The following ADAMTS17 variants were observed in gnomAD, a reference collection of about 807,000 sequenced individuals.
ADAMTS17 encodes ADAM metallopeptidase with thrombospondin type 1 motif 17.
Under a neutral mutation model 141.5 loss-of-function variants are expected in ADAMTS17, and 113 were observed. The ratio of observed to expected loss-of-function variants is 0.80; its 90% CI spans 0.69 to 0.93. The LOEUF (loss-of-function observed/expected upper bound fraction) is 0.93. Among genes scored for constraint, ADAMTS17 ranks in the 40% least tolerant of loss-of-function variants. ADAMTS17 has a pLI of 0.00. For synonymous variants in ADAMTS17, 768 were observed against 630.6 expected (o/e 1.22, Z -3.27); for missense variants, 1,659 against 1,517.9 (o/e 1.09, Z -1.54).
intron 15 of ADAMTS17, among the ~76,000 whole-genome samples, chr15:100,082,074 T>C (rs183444003): frequency 2.8e-4 from 43 of 152,216 alleles, no homozygotes; most frequent in Admixed American, 4.6e-4. Context: ...ATTTTTTTGT[T>C]TTCTTTGAGA....
intron 7 of ADAMTS17, among the ~76,000 whole-genome samples, chr15:100,200,339 T>C (rs1402242107): frequency 1.3e-5 from 2 of 152,046 alleles, no homozygotes; most frequent in African/African-American, 4.8e-5. Flanking sequence ...CATGGAGCCC[T>C]TGGGTGCCGG....
At chr15:100,144,421 G>C (rs1443122880) in intron 10 of ADAMTS17, among the ~76,000 whole-genome samples, 2 of 152,064 alleles carry the variant, frequency 1.3e-5, no homozygotes, top group African/African-American at 4.8e-5. Flanking sequence ...GTGGTGGAAG[G>C]CACCTGTAAT....
intron 7 of ADAMTS17, among the ~76,000 whole-genome samples, chr15:100,213,010 A>G (rs2041858631): frequency 6.6e-6 from 1 of 152,084 alleles, no homozygotes; most frequent in Admixed American, 6.5e-5. Flanking sequence ...AAGAAGAAAA[A>G]CAGCTGAGGG....
At chr15:100,116,504 C>T (rs1285227772) in intron 13 of ADAMTS17, among the ~76,000 whole-genome samples, 3 of 152,246 alleles carry the variant, frequency 2.0e-5, no homozygotes, top group Non-Finnish European at 4.4e-5. Context: ...CACTGGGATG[C>T]CCCTGTAAAG....
At chr15:100,235,884 T>C (rs2042638361) in intron 7 of ADAMTS17, among the ~76,000 whole-genome samples, 1 of 152,174 alleles carries the variant, frequency 6.6e-6, no homozygotes, top group South Asian at 2.1e-4. Flanking sequence ...TTGCCCAGGC[T>C]GTACTCAAGG....
intron 8 of ADAMTS17, among the ~76,000 whole-genome samples, chr15:100,164,714 C>T (rs933533699): frequency 6.6e-6 from 1 of 152,152 alleles, no homozygotes; most frequent in African/African-American, 2.4e-5. Flanking sequence ...AAAGTTCCCA[C>T]CCCACTTCAA....
rs547519837 is a variant in ADAMTS17, at chr15:100,221,747, C to T, written c.1076-22324G>A. ...AAGAGTGCCTCTGGGACAGGTTTGCCGGGTGGTCTGAGAGCTGGTGTGAAA... is the reference window on the plus strand; with the variant it reads ...AAGAGTGCCTCTGGGACAGGTTTGCTGGGTGGTCTGAGAGCTGGTGTGAAA... On this transcript the variant is annotated intron_variant, in intron 7 of 21. Transcript: ENST00000268070. Among the ~76,000 whole-genome samples, 7 of 152,278 alleles carry T rather than the reference C, an allele frequency of 4.6e-5. No individual in the cohort carries two copies. In the East Asian group the frequency reaches 5.8e-4, roughly 13 times the overall value.
chr15:100,281,520 G>T (rs2044283391), intron 3 of ADAMTS17, 119 bp from the exon 4 acceptor site: 2 of 1,325,680 alleles, frequency 1.5e-6, no homozygotes, highest in South Asian at 2.5e-5. Flanking sequence ...AGGCCTAGAG[G>T]GGCCCAGCAC....
At chr15:100,094,535 T>C (rs1409555623) in intron 15 of ADAMTS17, among the ~76,000 whole-genome samples, 4 of 152,218 alleles carry the variant, frequency 2.6e-5, no homozygotes, top group Admixed American at 1.3e-4. Flanking sequence ...AGTGAGATCC[T>C]ATGTTAGTTA....
At chr15:100,032,663 T>C (rs2030294330) in intron 18 of ADAMTS17, among the ~76,000 whole-genome samples, 1 of 152,230 alleles carries the variant, frequency 6.6e-6, no homozygotes, top group Admixed American at 6.5e-5. Context: ...TTTAATGCCA[T>C]GGCAGAAGCA....
chr15:100,114,146 GAATT>G (rs2036963555), intron 13 of ADAMTS17, among the ~76,000 whole-genome samples: 1 of 145,558 alleles, frequency 6.9e-6, no homozygotes, highest in Admixed American at 7.0e-5. Context: ...ACCTCTGCAA[GAATT>G]CTTTCTTCTT....
chr15:99,996,676 A>G (rs1350739053), intron 19 of ADAMTS17, among the ~76,000 whole-genome samples: 1 of 152,166 alleles, frequency 6.6e-6, no homozygotes, highest in Non-Finnish European at 1.5e-5. Flanking sequence ...ACTTTAAAAA[A>G]TTTTCCACAC....
At chr15:100,161,267 G>A (rs1431456003) in intron 8 of ADAMTS17, among the ~76,000 whole-genome samples, 1 of 152,222 alleles carries the variant, frequency 6.6e-6, no homozygotes, top group East Asian at 1.9e-4. Context: ...ACATGAGTAG[G>A]TGTTCTAGAC....
chr15:100,068,732 C>A (rs2141707097), intron 15 of ADAMTS17, among the ~76,000 whole-genome samples: 1 of 152,248 alleles, frequency 6.6e-6, no homozygotes, highest in Non-Finnish European at 1.5e-5. Flanking sequence ...AAAGGATATC[C>A]ACACCAAAAC....
At chr15:100,268,624 C>T (rs528232283) in intron 4 of ADAMTS17, among the ~76,000 whole-genome samples, 1 of 152,276 alleles carries the variant, frequency 6.6e-6, no homozygotes, top group African/African-American at 2.4e-5. Flanking sequence ...GTTTTTTGCA[C>T]ACTTTTTAAT....
At chr15:99,992,000 C>T (rs1431191026) in intron 20 of ADAMTS17, among the ~76,000 whole-genome samples, 1 of 151,854 alleles carries the variant, frequency 6.6e-6, no homozygotes, top group African/African-American at 2.4e-5. Context: ...GGGAGGGGAA[C>T]ATCACACACC....
At chr15:100,193,323 C>T (rs561556870) in intron 8 of ADAMTS17, among the ~76,000 whole-genome samples, 23 of 152,332 alleles carry the variant, frequency 1.5e-4, no homozygotes, top group African/African-American at 5.5e-4. Flanking sequence ...TTCAGAATAG[C>T]TGGGTCCTGA....
At chr15:100,016,987 G>A (rs2061303341) in intron 18 of ADAMTS17, among the ~76,000 whole-genome samples, 1 of 152,168 alleles carries the variant, frequency 6.6e-6, no homozygotes, top group Non-Finnish European at 1.5e-5. Context: ...CCATTCAAGT[G>A]TGGGCAGGGG....
intron 14 of ADAMTS17, among the ~76,000 whole-genome samples, chr15:100,101,248 C>T (rs1427065601): frequency 6.7e-6 from 1 of 149,222 alleles, no homozygotes; most frequent in South Asian, 2.1e-4. Context: ...CCACAGTCCC[C>T]CGCTGGGTCT....
Sources: allele counts gnomAD v4.1 joint callset (sites outside exome capture counted in the v4.1 genomes callset), GRCh38; gene constraint gnomAD v4.1.1; transcripts MANE v1.5; gene names NCBI Gene and HGNC (gene_info 2026-07-23, HGNC 2026-07-21).